The following PIP4K2A variants were observed in gnomAD, a reference collection of about 807,000 sequenced individuals.
The protein encoded by PIP4K2A is phosphatidylinositol 5-phosphate 4-kinase type-2 alpha.
PIP4K2A carries 14 observed loss-of-function variants against 42.9 expected under a neutral mutation model. The ratio of observed to expected loss-of-function variants is 0.33; its 90% CI spans 0.22 to 0.51. PIP4K2A has a LOEUF of 0.51. Ranked by LOEUF, PIP4K2A falls within the 20% of genes least tolerant of loss-of-function variation. The pLI is 0.97. For missense variants in PIP4K2A, 434 were observed against 519.8 expected (o/e 0.83, Z 1.61); for synonymous variants, 192 against 192.2 (o/e 1.00, Z 0.01).
intron 1 of PIP4K2A, among the ~76,000 whole-genome samples, chr10:22,676,519 C>T (rs77484086): frequency 0.028 from 4,231 of 152,132 alleles, 79 homozygotes; most frequent in Non-Finnish European, 0.039. Flanking sequence ...GAATGTGGCA[C>T]GATACAGTTA....
intron 1 of PIP4K2A, among the ~76,000 whole-genome samples, chr10:22,691,352 T>C (rs1432786942): frequency 6.6e-6 from 1 of 152,202 alleles, no homozygotes; most frequent in Non-Finnish European, 1.5e-5. Flanking sequence ...TTCAGACCTA[T>C]ACATGACAGA....
chr10:22,700,291 G>C (rs1486069050), intron 1 of PIP4K2A, among the ~76,000 whole-genome samples: 1 of 152,216 alleles, frequency 6.6e-6, no homozygotes, highest in Admixed American at 6.5e-5. Flanking sequence ...TCTCATACAA[G>C]TGAATCTGCA....
intron 4 of PIP4K2A, among the ~76,000 whole-genome samples, chr10:22,586,984 C>T (rs752960426): frequency 3.3e-5 from 5 of 152,192 alleles, no homozygotes; most frequent in African/African-American, 4.8e-5. Flanking sequence ...CAAGGTCATG[C>T]CATTGGCCAG....
chr10:22,541,190 C>A (rs1836102041), intron 8 of PIP4K2A, among the ~76,000 whole-genome samples: 1 of 152,168 alleles, frequency 6.6e-6, no homozygotes, highest in African/African-American at 2.4e-5. Flanking sequence ...GGAAGAGGGC[C>A]ATAGGCCCTT....
intron 4 of PIP4K2A, among the ~76,000 whole-genome samples, chr10:22,585,457 AGT>A (rs1837372017): frequency 6.6e-6 from 1 of 152,224 alleles, no homozygotes; most frequent in Non-Finnish European, 1.5e-5. Context: ...GAAATAAGAA[AGT>A]AAATTAAAAT....
chr10:22,579,493 C>T (rs987058013), intron 4 of PIP4K2A, among the ~76,000 whole-genome samples: 2 of 152,190 alleles, frequency 1.3e-5, no homozygotes, highest in Non-Finnish European at 2.9e-5. Flanking sequence ...AGGACGTCTG[C>T]CTCCTTCCCC....
rs1195878679 is a variant in PIP4K2A at position 22,562,233 on chromosome 10, AAAC to A, written c.678+5615_678+5617del. ...CAAAGACTTTTTTTAAAAGTTAAAAAAACAAACAAACAATGTTTTTAAGAGTTC... is the reference window on the plus strand; with the variant it reads ...CAAAGACTTTTTTTAAAAGTTAAAAAAAACAAACAATGTTTTTAAGAGTTC... On this transcript the variant is annotated intron_variant, in intron 6 of 9. Coordinates refer to ENST00000376573, the MANE Select transcript of PIP4K2A (RefSeq NM_005028.5). 2.0e-4 allele frequency among the ~76,000 whole-genome samples: 4 copies of A among 20,328 alleles called. No homozygotes were observed. In the East Asian group the frequency reaches 3.3e-3, roughly 17 times the overall value. 13.3% of individuals were successfully genotyped at this position (20,328 alleles called of 152,430 possible).
At chr10:22,678,563 T>C (rs751100476) in intron 1 of PIP4K2A, among the ~76,000 whole-genome samples, 3 of 152,166 alleles carry the variant, frequency 2.0e-5, no homozygotes, top group Non-Finnish European at 4.4e-5. Flanking sequence ...CAACAGAATG[T>C]GAAGGCAACC....
rs942165234 is a variant in PIP4K2A, at chr10:22,557,070, C to T, written c.679-6298G>A. Among the ~76,000 whole-genome samples the T allele has an allele frequency of 3.3e-5, 5 of 152,272 alleles. No homozygotes were observed. In the South Asian group the frequency reaches 6.2e-4, roughly 19 times the overall value. On this transcript the variant is annotated intron_variant, in intron 6 of 9. Transcript: ENST00000376573. Reference sequence around the variant, plus strand: ...CTTTCAGTGTATAAAAGCCTCTCAACGGAATTACTTACGCCCTAGGGTTCA... The same window carrying T: ...CTTTCAGTGTATAAAAGCCTCTCAATGGAATTACTTACGCCCTAGGGTTCA...
At chr10:22,615,371 G>A (rs1326791345) in intron 1 of PIP4K2A, among the ~76,000 whole-genome samples, 2 of 152,170 alleles carry the variant, frequency 1.3e-5, no homozygotes, top group Non-Finnish European at 2.9e-5. Context: ...TCACAGGCAT[G>A]AACCATCCCA....
At chr10:22,699,337 A>G (rs1833666188) in intron 1 of PIP4K2A, among the ~76,000 whole-genome samples, 1 of 152,158 alleles carries the variant, frequency 6.6e-6, no homozygotes, top group Non-Finnish European at 1.5e-5. Flanking sequence ...GGCCTAATGT[A>G]GTAAAAGCCT....
At chr10:22,549,242 T>C (rs909644618) in intron 7 of PIP4K2A, among the ~76,000 whole-genome samples, 2 of 152,234 alleles carry the variant, frequency 1.3e-5, no homozygotes, top group Non-Finnish European at 2.9e-5. Flanking sequence ...GTGAGTTTCT[T>C]GTAATAAAAA....
intron 1 of PIP4K2A, among the ~76,000 whole-genome samples, chr10:22,662,696 A>T (rs147905429): frequency 6.6e-4 from 101 of 152,236 alleles, no homozygotes; most frequent in African/African-American, 2.3e-3. Flanking sequence ...ACTCACAGGC[A>T]CTCACCAGAA....
chr10:22,676,532 G>C (rs116251415), intron 1 of PIP4K2A, among the ~76,000 whole-genome samples: 1,794 of 152,208 alleles, frequency 0.012, 48 homozygotes, highest in African/African-American at 0.041. Context: ...TACAGTTATA[G>C]GTGGAGAGTC....
rs1838966778 is a variant in PIP4K2A at position 22,650,314 on chromosome 10, G to T, written c.145-40597C>A. Among the ~76,000 whole-genome samples, 6 of 152,272 alleles carry T rather than the reference G, an allele frequency of 3.9e-5. No individual in the cohort carries two copies. The South Asian group carries it at 1.2e-3, about 32-fold the overall frequency. On this transcript the variant is annotated intron_variant, in intron 1 of 9. Coordinates refer to ENST00000376573, the MANE Select transcript of PIP4K2A (RefSeq NM_005028.5). ...TGTCACCCAGACTGGAGTATATAGTGACATGGCCACAGCTCACAGCAACTT... is the reference window on the plus strand; with the variant it reads ...TGTCACCCAGACTGGAGTATATAGTTACATGGCCACAGCTCACAGCAACTT...
intron 1 of PIP4K2A, among the ~76,000 whole-genome samples, chr10:22,659,133 G>C (rs751659663): frequency 2.0e-5 from 3 of 152,214 alleles, no homozygotes; most frequent in Non-Finnish European, 4.4e-5. Flanking sequence ...TGGACTGAAT[G>C]CACCCTGGTT....
intron 1 of PIP4K2A, among the ~76,000 whole-genome samples, chr10:22,647,596 A>G (rs1331158883): frequency 1.3e-5 from 2 of 152,206 alleles, no homozygotes; most frequent in Non-Finnish European, 2.9e-5. Context: ...TGCATTCAAC[A>G]ACATGGAAAA....
chr10:22,569,075 T>C, intron 5 of PIP4K2A: 1 of 1,527,194 alleles, frequency 6.5e-7, no homozygotes, highest in Non-Finnish European at 8.8e-7. Flanking sequence ...ATCAAAATTT[T>C]TGATTACTGG....
chr10:22,539,731 G>A (rs1184891688), intron 9 of PIP4K2A: 1 of 504,558 alleles, frequency 2.0e-6, no homozygotes, highest in East Asian at 3.2e-5. Context: ...GAGCAGCAGT[G>A]AGCAGTAAGC....
Sources: gnomAD v4.1 joint callset for allele counts (sites outside exome capture counted in the v4.1 genomes callset) on GRCh38, gnomAD v4.1.1 for gene constraint, MANE v1.5 for transcripts, NCBI Gene and HGNC (gene_info 2026-07-23, HGNC 2026-07-21) for gene names.